Variants in ADAMTS9 observed in about 807,000 individuals in gnomAD.
The protein encoded by ADAMTS9 is ADAM metallopeptidase with thrombospondin type 1 motif 9, also known as A disintegrin and metalloproteinase with thrombospondin motifs 9.
ADAMTS9 carries 107 observed loss-of-function variants against 257.1 expected under a neutral mutation model. The observed-to-expected ratio is 0.42, with a 90% CI of 0.36 to 0.49. The LOEUF (loss-of-function observed/expected upper bound fraction) is 0.49, where lower values mean the gene tolerates loss of function less well. Among genes scored for constraint, ADAMTS9 ranks in the 20% least tolerant of loss-of-function variants. The pLI, the probability that ADAMTS9 is intolerant of heterozygous loss-of-function variation, is 0.03. For missense variants in ADAMTS9, 2,353 were observed against 2,469.1 expected (o/e 0.95, Z 1.00); for synonymous variants, 982 against 880.9 (o/e 1.11, Z -2.03).
intron 30 of ADAMTS9, among the ~76,000 whole-genome samples, chr3:64,554,412 CT>C (rs2083305786): frequency 6.6e-6 from 1 of 152,198 alleles, no homozygotes; most frequent in Non-Finnish European, 1.5e-5. Context: ...CTCCTGGAAT[CT>C]TAAATCCTAA....
At chr3:64,525,683 T>C (rs1012330290) in intron 38 of ADAMTS9, among the ~76,000 whole-genome samples, 2 of 152,042 alleles carry the variant, frequency 1.3e-5, no homozygotes, top group African/African-American at 4.8e-5. Context: ...CAATGTCAGC[T>C]CACTGCAACC....
At chr3:64,618,801 G>A (rs1016643171) in intron 19 of ADAMTS9, among the ~76,000 whole-genome samples, 11 of 152,154 alleles carry the variant, frequency 7.2e-5, no homozygotes, top group East Asian at 1.9e-4. Context: ...ACCAATGAGC[G>A]GAAATCTATT....
chr3:64,658,227 T>A (rs1701133100), intron 4 of ADAMTS9, among the ~76,000 whole-genome samples: 1 of 152,226 alleles, frequency 6.6e-6, no homozygotes, highest in South Asian at 2.1e-4. Flanking sequence ...TGGGCATGAT[T>A]GATAATCTCA....
intron 39 of ADAMTS9, among the ~76,000 whole-genome samples, chr3:64,519,606 G>A (rs1230984148): frequency 2.0e-5 from 3 of 152,072 alleles, no homozygotes; most frequent in Admixed American, 2.0e-4. Context: ...TACCATGATC[G>A]AGTGGACTTT....
chr3:64,655,727 A>G, intron 5 of ADAMTS9, 36 bp from the exon 6 acceptor site: 1 of 1,593,938 alleles, frequency 6.3e-7, no homozygotes, highest in South Asian at 1.1e-5. Flanking sequence ...AATCTGTTGT[A>G]CCGATCCCAA....
intron 28 of ADAMTS9, chr3:64,569,084 C>A (rs1343664486): frequency 1.3e-5 from 2 of 153,538 alleles, no homozygotes; most frequent in African/African-American, 4.8e-5. Context: ...AAGTCTGTGC[C>A]AATTTTGGGA....
chr3:64,550,772 T>A (rs2083260164), intron 31 of ADAMTS9, 120 bp downstream of exon 31: 1 of 1,249,384 alleles, frequency 8.0e-7, no homozygotes, highest in Middle Eastern at 2.1e-4. Context: ...CAGTTCACAG[T>A]GGCAAATCGG....
chr3:64,601,739 G>A lies in ADAMTS9; in HGVS notation c.4017+205C>T, dbSNP rs377038489. Among the ~76,000 whole-genome samples, 11 of 152,144 alleles carry A rather than the reference G, an allele frequency of 7.2e-5. No individual in the cohort carries two copies. In the East Asian group the frequency reaches 1.7e-3, roughly 24 times the overall value. ...TGATATCCCCTTTCTCCACCCAATC[G>A]AGACAGCTTATAGGTGGACGCAGGC... On this transcript the variant is annotated intron_variant, in intron 26 of 39. Transcript: ENST00000498707.
chr3:64,602,307 TC>T, intron 25 of ADAMTS9, 94 bp from the exon 26 acceptor site: 2 of 1,474,328 alleles, frequency 1.4e-6, no homozygotes, highest in Non-Finnish European at 9.2e-7. Context: ...CCCACCACTT[TC>T]CCAAATTGCT....
chr3:64,558,091 TA>T (rs557351929), intron 30 of ADAMTS9, among the ~76,000 whole-genome samples: 246 of 152,266 alleles, frequency 1.6e-3, no homozygotes, highest in African/African-American at 5.6e-3. Flanking sequence ...TACAACCCAG[TA>T]AAGGGAATAC....
chr3:64,618,008 A>G (rs1700007112), intron 19 of ADAMTS9, among the ~76,000 whole-genome samples: 1 of 152,162 alleles, frequency 6.6e-6, no homozygotes, highest in Non-Finnish European at 1.5e-5. Context: ...AGAACACCTT[A>G]TTTAGGCTTG....
At chr3:64,658,863 C>T (rs1373004703) in intron 3 of ADAMTS9, 72 bp from the exon 4 acceptor site, 10 of 1,468,156 alleles carry the variant, frequency 6.8e-6, no homozygotes, top group Non-Finnish European at 7.4e-6. Context: ...TAATTTGACA[C>T]ATTTTAAATT....
chr3:64,687,924 G>A lies in ADAMTS9; in HGVS notation c.-267C>T, dbSNP rs1425042419. The stretch of plus-strand genomic sequence containing the variant: ...GGAGGAGGAGGACTGGGGCTCGGCT[G>A]CTTGGCCGCATAATGCCCAGCGAGC... On this transcript the variant is annotated 5_prime_UTR_variant, in exon 1 of 40. Transcript: ENST00000498707. The surrounding 1 kb of genome is among the most constrained non-coding windows in gnomAD (Gnocchi z 4.4). 6.3e-6 allele frequency: 2 copies of A among 317,716 alleles called. No homozygotes were observed. The highest frequency in any genetic ancestry group is 8.8e-5 in the South Asian group (1 of 11,398). 19.7% of individuals were successfully genotyped at this position (317,716 alleles called of 1,614,324 possible).
At chr3:64,660,929 C>T (rs1397112171) in intron 3 of ADAMTS9, among the ~76,000 whole-genome samples, 1 of 152,148 alleles carries the variant, frequency 6.6e-6, no homozygotes, top group Admixed American at 6.5e-5. Flanking sequence ...TGCTTTCGCA[C>T]CTCAAACTGC....
intron 3 of ADAMTS9, among the ~76,000 whole-genome samples, chr3:64,668,853 G>A (rs1224033074): frequency 6.6e-6 from 1 of 152,194 alleles, no homozygotes; most frequent in African/African-American, 2.4e-5. Context: ...AGAGATTAAA[G>A]CGCAGTTGGG....
Position 64,602,080 on chromosome 3 carries a change from G to A in ADAMTS9, c.3881C>T (p.Pro1294Leu). ...PETDQDCSMS[P>L]CPQRTPDSGL... is the part of the protein sequence containing the mutation. Reference sequence around the variant, plus strand: ...ACTGTCTGGGGTCCTTTGAGGGCATGGTGACATGGAACAGTCCTGGTCAGT... The same window carrying A: ...ACTGTCTGGGGTCCTTTGAGGGCATAGTGACATGGAACAGTCCTGGTCAGT... The change falls in exon 26 of 40, where the codon CCA becomes CTA. Residue 1294 changes from proline to leucine, a missense_variant. This residue lies in a region of ADAMTS9 where 1,402 missense variants were observed against 1,441.4 expected (regional missense o/e 0.97). Transcript: ENST00000498707. 2 of 1,614,072 alleles carry A rather than the reference G, an allele frequency of 1.2e-6. No individual in the cohort carries two copies. Among genetic ancestry groups the A allele is most frequent in the Non-Finnish European group, 8.5e-7 (1 of 1,179,998 alleles).
intron 28 of ADAMTS9, chr3:64,582,979 C>G (rs1576074010): frequency 6.6e-6 from 1 of 152,192 alleles, no homozygotes; most frequent in Non-Finnish European, 1.5e-5. Context: ...TATTCTATCA[C>G]TGATATGGGA....
chr3:64,655,068 G>C (rs546573390), intron 6 of ADAMTS9, among the ~76,000 whole-genome samples: 1 of 152,318 alleles, frequency 6.6e-6, no homozygotes, highest in East Asian at 1.9e-4. Flanking sequence ...AACATTTTGA[G>C]ATAGTAGCTA....
chr3:64,675,214 C>T (rs1057162252), intron 3 of ADAMTS9, among the ~76,000 whole-genome samples: 1 of 152,170 alleles, frequency 6.6e-6, no homozygotes, highest in Non-Finnish European at 1.5e-5. Flanking sequence ...GTTTTCCAAT[C>T]TGCAAAATGG....
Sources: allele counts gnomAD v4.1 joint callset (sites outside exome capture counted in the v4.1 genomes callset), GRCh38; gene constraint gnomAD v4.1.1; regional missense constraint gnomAD v4.1.1; non-coding constraint Gnocchi (gnomAD v3.1); transcripts MANE v1.5; gene names NCBI Gene and HGNC (gene_info 2026-07-23, HGNC 2026-07-21).